Variants in ZNF281 observed in about 807,000 individuals in gnomAD.
The protein encoded by ZNF281 is GC-box-binding zinc finger protein 1.
In ZNF281, 2 loss-of-function variants were observed where a neutral mutation model predicts 58.8. That is an observed-to-expected ratio of 0.03 (90% confidence interval 0.01 to 0.11). The LOEUF is 0.11. Ranked by LOEUF, ZNF281 falls within the 10% of genes least tolerant of loss-of-function variation. The probability of loss-of-function intolerance (pLI) is 1.00; values close to 1 mark genes in which losing one functional copy is unlikely to be tolerated. For synonymous variants in ZNF281, 465 were observed against 407.7 expected, an observed-to-expected ratio of 1.14 and a Z score of -1.69; for missense variants, 975 against 1,090.7, an observed-to-expected ratio of 0.89 and a Z score of 1.49.
Position 200,407,661 on chromosome 1 carries a change from G to A in ZNF281, c.2045C>T (p.Ala682Val). The change falls in exon 2 of 2, where the codon GCA becomes GTA. Residue 682 changes from alanine to valine, a missense_variant. Transcript: ENST00000367353. ...GAAACCGTGTCCAAGAGTAAAACTT[G>A]CATTAGTGGATTTTTCAAAAGCCTG... ...LQQAFEKSTN[A>V]SFTLGHGFQF... The A allele has an allele frequency of 6.2e-7, 1 of 1,614,180 alleles. No homozygotes were observed. Among genetic ancestry groups the A allele is most frequent in the Non-Finnish European group, 8.5e-7 (1 of 1,180,014 alleles).
chr1:200,409,213 C>T lies in ZNF281; in HGVS notation c.493G>A (p.Gly165Ser). Reference sequence around the variant, plus strand: ...ACGCCGTGACTCCCCCCTTCACCGCCTCCTAGGCCTGGAGACCTCTCTTCA... The same window carrying T: ...ACGCCGTGACTCCCCCCTTCACCGCTTCCTAGGCCTGGAGACCTCTCTTCA... ...GAEERSPGLG[G>S]GEGGSHGVIQ... Residue 165 changes from glycine to serine, a missense_variant, in exon 2 of 2, where the codon GGC becomes AGC. By Grantham distance (56) the Gly-to-Ser change is moderately conservative. This residue lies in a region of ZNF281 where 370 missense variants were observed against 360.9 expected (regional missense o/e 1.03). Transcript: ENST00000367353. The T allele has an allele frequency of 6.2e-7, 1 of 1,614,132 alleles. No individual in the cohort carries two copies. Among genetic ancestry groups the T allele is most frequent in the Non-Finnish European group, 8.5e-7 (1 of 1,180,028 alleles).
Position 200,409,256 on chromosome 1 carries a change from C to G in ZNF281, c.450G>C (p.Gly150=). 6.2e-7 allele frequency: 1 copy of G among 1,613,260 alleles called. No individual in the cohort carries two copies. The change falls in exon 2 of 2, where the codon GGG becomes GGC. Residue 150 remains glycine, a synonymous_variant. Transcript: ENST00000367353. ...SHHHHHHHHY[G]GLFAGAEERS... is the part of the protein sequence containing the mutation. ...TCTCTTCAGCTCCAGCGAACAGCCC[C>G]CCATAGTGGTGGTGGTGATGGTGGT...
Position 200,409,558 on chromosome 1 carries a change from T to C in ZNF281, c.148A>G (p.Met50Val), listed in dbSNP as rs1469384271. 2.6e-6 allele frequency: 4 copies of C among 1,549,398 alleles called. No homozygotes were observed. Among genetic ancestry groups the C allele is most frequent in the South Asian group, 1.2e-5 (1 of 84,032 alleles). Residue 50 changes from methionine (M) to valine (V), a missense_variant, in exon 2 of 2, where the codon ATG becomes GTG. Around this residue, in one of 3 missense-constraint regions of ZNF281, gnomAD observed 370 missense variants for 360.9 expected, o/e 1.03. Coordinates refer to ENST00000367353, the MANE Select transcript of ZNF281 (RefSeq NM_001281293.2). ...AEMEPTFPQG[M>V]VMFNHRLPPV... is the part of the protein sequence containing the mutation. ...GGAAGACGGTGGTTGAACATAACCA[T>C]ACCCTGGGGAAAGGTGGGTTCCATC...
rs11804058 is a variant in ZNF281 at position 200,405,204 on chromosome 1, C to A, written c.*1814G>T. On this transcript the variant is annotated 3_prime_UTR_variant, in exon 2 of 2. Transcript: ENST00000367353. ...GAAATAAACACTTTTTAGTACTCAG[C>A]GTATTTAAGATTAAGTACATTTTCT... 1 of 152,338 alleles carries A rather than the reference C, an allele frequency of 6.6e-6. No homozygotes were observed. Among genetic ancestry groups the A allele is most frequent in the Non-Finnish European group, 1.5e-5 (1 of 68,016 alleles). 9.4% of individuals were successfully genotyped at this position (152,338 alleles called of 1,614,324 possible).
At position 200,407,951 on chromosome 1, in the gene ZNF281, G is replaced by A; in HGVS notation, c.1755C>T (p.Asp585=). The A allele has an allele frequency of 6.2e-7, 1 of 1,614,162 alleles. No homozygotes were observed. Among genetic ancestry groups the A allele is most frequent in the Non-Finnish European group, 8.5e-7 (1 of 1,180,022 alleles). The change falls in exon 2 of 2, where the codon GAC becomes GAT. Residue 585 remains aspartate (D), a synonymous_variant. Transcript: ENST00000367353. ...TAATTTCAGCATTTAGAGCTGAGGA[G>A]TCAATAAGTGACAATGGTGCCTCAT... is the stretch of plus-strand genomic sequence containing the variant. ...LDNEAPLSLI[D]SSALNAEIKS...
rs1654534652 is a variant in ZNF281 at position 200,409,141 on chromosome 1, C to T, written c.565G>A (p.Ala189Thr). 3.7e-6 allele frequency: 6 copies of T among 1,614,130 alleles called. No homozygotes were observed. The highest frequency in any genetic ancestry group is 1.3e-5 in the African/African-American group (1 of 75,012). The part of the protein sequence containing the change: ...ILHQHVQQQP[A>T]QHHRDVLLSS... ...AGTAATACGTCACGGTGGTGCTGGGCTGGTTGCTGCTGGACATGCTGGTGG... is the reference window on the plus strand; with the variant it reads ...AGTAATACGTCACGGTGGTGCTGGGTTGGTTGCTGCTGGACATGCTGGTGG... The change falls in exon 2 of 2, where the codon GCC becomes ACC. Residue 189 changes from alanine (A) to threonine (T), a missense_variant. Ala to Thr is a moderately conservative substitution (Grantham distance 58). This residue lies in a region of ZNF281 where 370 missense variants were observed against 360.9 expected (regional missense o/e 1.03). Transcript: ENST00000367353.
At position 200,408,111 on chromosome 1, in the gene ZNF281, T is replaced by C. The variant is rs572225605; in HGVS notation, c.1595A>G (p.Asp532Gly). 1.2e-6 allele frequency: 2 copies of C among 1,614,204 alleles called. No individual in the cohort carries two copies. Among genetic ancestry groups the C allele is most frequent in the Admixed American group, 1.7e-5 (1 of 60,026 alleles). The part of the protein sequence containing the change: ...GKQGQISSNY[D>G]DAMQFSKKRR... ...TTTCTTTGAAAACTGCATGGCATCA[T>C]CATAATTACTACTTATCTGACCTTG... The change falls in exon 2 of 2, where the codon GAT (aspartate) becomes GGT (glycine). Residue 532 changes from aspartate to glycine, a missense_variant. By Grantham distance (94) the Asp-to-Gly change is moderately conservative (BLOSUM62 -1). This residue lies in a region of ZNF281 where 579 missense variants were observed against 608.9 expected (regional missense o/e 0.95). Coordinates refer to ENST00000367353, the MANE Select transcript of ZNF281 (RefSeq NM_001281293.2).
chr1:200,409,067 C>A lies in ZNF281; in HGVS notation c.639G>T (p.Lys213Asn). 2 of 1,614,166 alleles carry A rather than the reference C, an allele frequency of 1.2e-6. No homozygotes were observed. Among genetic ancestry groups the A allele is most frequent in the Non-Finnish European group, 1.7e-6 (2 of 1,180,032 alleles). Residue 213 changes from lysine (K) to asparagine (N), a missense_variant, in exon 2 of 2, where the codon AAG (lysine) becomes AAT (asparagine). Physicochemically the swap from Lys to Asn is moderately conservative, Grantham distance 94. Transcript: ENST00000367353. ...TTGCCTTTTTGACATTAGTGTCCTG[C>A]TTTGGCTCCTCAGTGCCATGGTGGT... is the stretch of plus-strand genomic sequence containing the variant. ...TDDHHGTEEP[K>N]QDTNVKKAKR...
At position 200,407,246 on chromosome 1, in the gene ZNF281, T is replaced by C; in HGVS notation, c.2460A>G (p.Ile820Met). The change falls in exon 2 of 2, where the codon ATA becomes ATG. Residue 820 changes from isoleucine (I) to methionine (M), a missense_variant. Physicochemically the swap from Ile to Met is conservative, Grantham distance 10. Around this residue, in one of 3 missense-constraint regions of ZNF281, gnomAD observed 579 missense variants for 608.9 expected, o/e 0.95. Transcript: ENST00000367353. ...LASQIDPQKDIEPRTTYQIEN... is the reference protein window; with the variant it reads ...LASQIDPQKDMEPRTTYQIEN... ...CAATCTGATACGTTGTTCTAGGCTC[T>C]ATGTCTTTCTGAGGATCTATCTGGC... 1 of 1,614,224 alleles carries C rather than the reference T, an allele frequency of 6.2e-7. No individual in the cohort carries two copies. Among genetic ancestry groups the C allele is most frequent in the Non-Finnish European group, 8.5e-7 (1 of 1,180,020 alleles).
chr1:200,407,129 A>C lies in ZNF281; in HGVS notation c.2577T>G (p.His859Gln). 6.2e-7 allele frequency: 1 copy of C among 1,614,132 alleles called. No individual in the cohort carries two copies. The highest frequency in any genetic ancestry group is 8.5e-7 in the Non-Finnish European group (1 of 1,180,026). Residue 859 changes from histidine to glutamine, a missense_variant, in exon 2 of 2, where the codon CAT becomes CAG. By Grantham distance (24) the His-to-Gln change is conservative. Transcript: ENST00000367353. ...AATCTGACACTGAAGTCCTTACTCT[A>C]TGGTCCACTTCTCCATTAGAGTTAG... ...FITNSNGEVDHRVRTSVSDFS... is the reference protein window; with the variant it reads ...FITNSNGEVDQRVRTSVSDFS...
At position 200,409,672 on chromosome 1, in the gene ZNF281, C is replaced by T; in HGVS notation, c.34G>A (p.Gly12Arg). The T allele has an allele frequency of 3.2e-6, 5 of 1,568,644 alleles. No homozygotes were observed. The highest frequency in any genetic ancestry group is 4.3e-6 in the Non-Finnish European group (5 of 1,159,244). The stretch of plus-strand genomic sequence containing the variant: ...CTACCACCGCTACTGCCGGTACCTC[C>T]GCCGCCACTCAGGAACCCACTGCCG... Reference protein sequence around the residue: ...KIGSGFLSGGGGTGSSGGSGS... With the variant: ...KIGSGFLSGGRGTGSSGGSGS... Residue 12 changes from glycine (G) to arginine (R), a missense_variant, in exon 2 of 2, where the codon GGA becomes AGA. Gly to Arg is a moderately radical substitution (Grantham distance 125). Around this residue, in one of 3 missense-constraint regions of ZNF281, gnomAD observed 370 missense variants for 360.9 expected, o/e 1.03. Transcript: ENST00000367353.
At position 200,406,453 on chromosome 1, in the gene ZNF281, A is replaced by G. The variant is rs1356982859; in HGVS notation, c.*565T>C. 3 of 152,680 alleles carry G rather than the reference A, an allele frequency of 2.0e-5. No individual in the cohort carries two copies. In the East Asian group the frequency reaches 5.8e-4, roughly 29 times the overall value. 9.5% of individuals were successfully genotyped at this position (152,680 alleles called of 1,614,324 possible). On this transcript the variant is annotated 3_prime_UTR_variant, in exon 2 of 2. Transcript: ENST00000367353. Reference sequence around the variant, plus strand: ...CAGAATTTTGGATCAGCCCAGATGGAGATAGCAATTTGAAATGTCTTCGAT... The same window carrying G: ...CAGAATTTTGGATCAGCCCAGATGGGGATAGCAATTTGAAATGTCTTCGAT...
rs750758823 is a variant in ZNF281, at chr1:200,407,358, G to T, written c.2348C>A (p.Ser783Tyr). The change falls in exon 2 of 2, where the codon TCC (serine) becomes TAC (tyrosine). Residue 783 changes from serine to tyrosine, a missense_variant. This residue lies in a region of ZNF281 where 579 missense variants were observed against 608.9 expected (regional missense o/e 0.95). Coordinates refer to ENST00000367353, the MANE Select transcript of ZNF281 (RefSeq NM_001281293.2). ...KNLETSSAFQ[S>Y]SSQKLTSQKE... ...CTGGCTAGTCAATTTCTGAGATGAG[G>T]ACTGGAAGGCTGATGAAGTCTCTAA... 1 of 1,613,938 alleles carries T rather than the reference G, an allele frequency of 6.2e-7. No homozygotes were observed. The highest frequency in any genetic ancestry group is 8.5e-7 in the Non-Finnish European group (1 of 1,180,042).
rs777571468 is a variant in ZNF281, at chr1:200,408,608, T to C, written c.1098A>G (p.Thr366=). 1.2e-6 allele frequency: 2 copies of C among 1,614,256 alleles called. No homozygotes were observed. Among genetic ancestry groups the C allele is most frequent in the Admixed American group, 3.3e-5 (2 of 60,026 alleles). ...RTDRLLKHRR[T]CGEVIVKGAT... is the part of the protein sequence containing the mutation. ...CTCCTTTAACTATGACTTCACCACA[T>C]GTGCGCCTGTGCTTCAACAATCTAT... Residue 366 remains threonine, a synonymous_variant, in exon 2 of 2, where the codon ACA becomes ACG. Transcript: ENST00000367353.
Position 200,407,470 on chromosome 1 carries a change from C to T in ZNF281, c.2236G>A (p.Gly746Ser), listed in dbSNP as rs184488320. 1 of 1,614,170 alleles carries T rather than the reference C, an allele frequency of 6.2e-7. No homozygotes were observed. Among genetic ancestry groups the T allele is most frequent in the African/African-American group, 1.3e-5 (1 of 75,022 alleles). The stretch of plus-strand genomic sequence containing the variant: ...GCATCCAAAGCAGACAAATAAAGAC[C>T]TGGCTGAGATCCAAACAACATCCCA... Reference protein sequence around the residue: ...PFGMLFGSQPGLYLSALDATH... With the variant: ...PFGMLFGSQPSLYLSALDATH... Residue 746 changes from glycine to serine, a missense_variant, in exon 2 of 2, where the codon GGT (glycine) becomes AGT (serine). Transcript: ENST00000367353.
rs1462181306 is a variant in ZNF281, at chr1:200,409,954, C to CCGCCGCCGCAGCCGCCGT, written c.-45_-28dup. 1 of 608,342 alleles carries CCGCCGCCGCAGCCGCCGT rather than the reference C, an allele frequency of 1.6e-6. No homozygotes were observed. Among genetic ancestry groups the CCGCCGCCGCAGCCGCCGT allele is most frequent in the African/African-American group, 1.9e-5 (1 of 52,402 alleles). The allele number at this position is 608,342 out of a possible 1,614,324, so 37.7% of individuals were successfully genotyped here. A position where few individuals can be genotyped will look rare whatever the true frequency, so the allele number is the denominator to read the frequency against. On this transcript the variant is annotated 5_prime_UTR_variant, in exon 1 of 2. Transcript: ENST00000367353. The stretch of plus-strand genomic sequence containing the variant: ...CCACCGGCAATACTTACGGGTCCCG[C>CCGCCGCCGCAGCCGCCGT]CGCCGCCGCAGCCGCCGTCGCCTCC...
chr1:200,409,736 G>A lies in ZNF281; in HGVS notation c.-18-13C>T, dbSNP rs1654570762. The A allele has an allele frequency of 1.3e-6, 2 of 1,589,560 alleles. No individual in the cohort carries two copies. The highest frequency in any genetic ancestry group is 1.1e-5 in the South Asian group (1 of 88,332). ...GGAGGAGGCCTGGCTGAAGAAAGGA[G>A]GAGGAAGAGGGAAGAGGGAGGAAAG... On this transcript the variant is annotated splice_polypyrimidine_tract_variant and intron_variant, in intron 1 of 1. Transcript: ENST00000367353.
rs1294383471 is a variant in ZNF281, at chr1:200,407,822, A to C, written c.1884T>G (p.Ile628Met). The C allele has an allele frequency of 6.6e-5, 107 of 1,614,128 alleles. No individual in the cohort carries two copies. The highest frequency in any genetic ancestry group is 9.0e-5 in the Non-Finnish European group (106 of 1,180,030). The change falls in exon 2 of 2, where the codon ATT becomes ATG. Residue 628 changes from isoleucine (I) to methionine (M), a missense_variant. Physicochemically the swap from Ile to Met is conservative, Grantham distance 10. Around this residue, in one of 3 missense-constraint regions of ZNF281, gnomAD observed 579 missense variants for 608.9 expected, o/e 0.95. Transcript: ENST00000367353. ...TGTGTAAATCCACTCGTGGTTCTGC[A>C]ATATTGAAAGGATCCTCTTTCTGGC... ...SESQKEDPFN[I>M]AEPRVDLHTS...
Position 200,408,546 on chromosome 1 carries a change from T to G in ZNF281, c.1160A>C (p.Asn387Thr), listed in dbSNP as rs958518021. The G allele has an allele frequency of 6.2e-7, 1 of 1,614,238 alleles. No individual in the cohort carries two copies. Residue 387 changes from asparagine (N) to threonine (T), a missense_variant, in exon 2 of 2, where the codon AAT becomes ACT. By Grantham distance (65) the Asn-to-Thr change is moderately conservative. This residue lies in a region of ZNF281 where 579 missense variants were observed against 608.9 expected (regional missense o/e 0.95). Transcript: ENST00000367353. ...SAEPGSSNHT[N>T]MGNLAVLSQG... ...AGACAACACAGCCAGATTACCCATA[T>G]TGGTATGGTTTGATGACCCAGGTTC...
Sources: allele counts gnomAD v4.1 joint callset, GRCh38; gene constraint gnomAD v4.1.1; regional missense constraint gnomAD v4.1.1; transcripts MANE v1.5; gene names NCBI Gene and HGNC (gene_info 2026-07-23, HGNC 2026-07-21).